NEK5: variants seen among roughly 807,000 people sequenced by gnomAD.
The protein encoded by NEK5 is NIMA related kinase 5, also known as serine/threonine-protein kinase Nek5.
A neutral mutation model predicts 109.2 loss-of-function variants in NEK5; 88 were observed. The ratio of observed to expected loss-of-function variants is 0.81; its 90% CI spans 0.68 to 0.96. NEK5 has a LOEUF of 0.96. Ranked by LOEUF, NEK5 falls within the 40% of genes least tolerant of loss-of-function variation. The probability of loss-of-function intolerance (pLI) is 0.00; values close to 1 mark genes in which losing one functional copy is unlikely to be tolerated. For synonymous variants in NEK5, 283 were observed against 299.9 expected (o/e 0.94, Z 0.58); for missense variants, 834 against 920.7 (o/e 0.91, Z 1.22).
At chr13:52,083,041 G>A (rs1465123044) in intron 17 of NEK5, among the ~76,000 whole-genome samples, 3 of 152,134 alleles carry the variant, frequency 2.0e-5, no homozygotes, top group African/African-American at 7.2e-5. Context: ...CAGCTACTCG[G>A]GAGCCTGAAG....
chr13:52,043,486 G>A (rs1171860239), intron 23 of NEK5, among the ~76,000 whole-genome samples: 8 of 141,086 alleles, frequency 5.7e-5, no homozygotes, highest in South Asian at 2.2e-4. Flanking sequence ...GCAGTGAGCC[G>A]AGATCACACC....
At chr13:52,093,022 TAAC>T in intron 13 of NEK5, 29 bp downstream of exon 13, 1 of 1,440,806 alleles carries the variant, frequency 6.9e-7, no homozygotes, top group Non-Finnish European at 9.5e-7. Flanking sequence ...ATTTTTAGAT[TAAC>T]CAAAGCTTAA....
intron 22 of NEK5, among the ~76,000 whole-genome samples, chr13:52,051,151 G>A (rs1954502884): frequency 6.7e-6 from 1 of 150,242 alleles, no homozygotes; most frequent in Non-Finnish European, 1.5e-5. Flanking sequence ...GGCCTTTTCT[G>A]CTTTTTCTTC....
chr13:52,046,593 T>C (rs1954461593), intron 23 of NEK5, among the ~76,000 whole-genome samples: 1 of 151,742 alleles, frequency 6.6e-6, no homozygotes, highest in South Asian at 2.1e-4. Context: ...TAGTCAGGCA[T>C]AGTGGCAAGT....
At chr13:52,064,182 G>A (rs1462730880) in intron 21 of NEK5, among the ~76,000 whole-genome samples, 22 of 137,392 alleles carry the variant, frequency 1.6e-4, no homozygotes, top group South Asian at 2.3e-4. Flanking sequence ...GAGGTGGGGG[G>A]GTCAGCCCCC....
chr13:52,045,331 C>T lies in NEK5; in HGVS notation c.2228+4773G>A, dbSNP rs547243038. Among the ~76,000 whole-genome samples, 987 of 149,800 alleles carry T rather than the reference C, an allele frequency of 6.6e-3. 3 individuals are homozygous for T. Among genetic ancestry groups the T allele is most frequent in the South Asian group, 0.025 (117 of 4,696 alleles). On this transcript the variant is annotated intron_variant, in intron 23 of 23. Transcript: ENST00000684899. ...ATTTTTAGTAGAGATGGGGTTTCAC[C>T]GTGTTAGCCAGGATGGTCTCGATCT...
intron 19 of NEK5, 26 bp downstream of exon 19, chr13:52,075,732 A>C: frequency 7.3e-7 from 1 of 1,376,858 alleles, no homozygotes; most frequent in African/African-American, 1.4e-5. Flanking sequence ...ATACCTACTA[A>C]TGGAAATTTA....
intron 22 of NEK5, among the ~76,000 whole-genome samples, chr13:52,054,705 G>A (rs1020587573): frequency 1.3e-5 from 2 of 152,164 alleles, no homozygotes; most frequent in African/African-American, 4.8e-5. Flanking sequence ...ACCTCACACG[G>A]CCGGGTACTC....
chr13:52,061,058 C>T (rs919057997), intron 22 of NEK5, among the ~76,000 whole-genome samples: 9 of 152,170 alleles, frequency 5.9e-5, no homozygotes, highest in Non-Finnish European at 8.8e-5. Flanking sequence ...GTTGGCTTCC[C>T]TTAAAGCAGT....
intron 8 of NEK5, among the ~76,000 whole-genome samples, chr13:52,107,900 G>C (rs903556448): frequency 1.3e-5 from 2 of 152,076 alleles, no homozygotes; most frequent in African/African-American, 4.8e-5. Context: ...GCTTACTGAG[G>C]CTCCAGAAGA....
Position 52,102,110 on chromosome 13 carries a change from G to A in NEK5, c.792C>T (p.Pro264=), listed in dbSNP as rs1199656089. 1.2e-6 allele frequency: 2 copies of A among 1,613,686 alleles called. No homozygotes were observed. Among genetic ancestry groups the A allele is most frequent in the African/African-American group, 1.3e-5 (1 of 74,878 alleles). The change falls in exon 10 of 24, where the codon CCC becomes CCT. Residue 264 remains proline (P), a synonymous_variant. Transcript: ENST00000684899. Reference sequence around the variant, plus strand: ...AACTTACCTCAGGAGTCAAATATTTGGGAATAAGATTCTCTAAAAAGGGCC... The same window carrying A: ...AACTTACCTCAGGAGTCAAATATTTAGGAATAAGATTCTCTAAAAAGGGCC... ...LKRPFLENLI[P]KYLTPEVIQE... is the part of the protein sequence containing the mutation.
At chr13:52,076,471 A>G (rs936906430) in intron 17 of NEK5, among the ~76,000 whole-genome samples, 2 of 152,232 alleles carry the variant, frequency 1.3e-5, no homozygotes, top group African/African-American at 4.8e-5. Flanking sequence ...AAATAAGCAA[A>G]GTGCGCAACT....
chr13:52,040,901 A>G (rs1325774955), intron 23 of NEK5, among the ~76,000 whole-genome samples: 2 of 152,232 alleles, frequency 1.3e-5, no homozygotes, highest in Non-Finnish European at 2.9e-5. Context: ...ATCTATGGTT[A>G]TAAATGTCTT....
At position 52,071,946 on chromosome 13, in the gene NEK5, G is replaced by A; in HGVS notation, c.1847C>T (p.Ala616Val). Residue 616 changes from alanine (A) to valine (V), a missense_variant and splice_region_variant, in exon 20 of 24, where the codon GCA (alanine) becomes GTA (valine). Physicochemically the swap from Ala to Val is moderately conservative, Grantham distance 64. Around this residue, in one of 2 missense-constraint regions of NEK5, gnomAD observed 777 missense variants for 824.7 expected, o/e 0.94. Coordinates refer to ENST00000684899, the MANE Select transcript of NEK5 (RefSeq NM_001365552.1). ...TACAACTTTCAAGAAACACATACCT[G>A]CTTCTGGGCAGTGAAGTTTTTCAAA... ...KAFEKLHCPE[A>V]GFSTQTVAAV... 2 of 1,613,080 alleles carry A rather than the reference G, an allele frequency of 1.2e-6. No individual in the cohort carries two copies. The highest frequency in any genetic ancestry group is 1.7e-6 in the Non-Finnish European group (2 of 1,179,320).
chr13:52,124,470 T>C lies in NEK5; in HGVS notation c.117+2896A>G, dbSNP rs929429899. ...CATTGCAAACATTGAAATTTTCCCA[T>C]GTCAATGCTTCACCTACAACATGAT... On this transcript the variant is annotated intron_variant, in intron 3 of 23. Transcript: ENST00000684899. 4.6e-5 allele frequency among the ~76,000 whole-genome samples: 7 copies of C among 152,248 alleles called. No individual in the cohort carries two copies. The East Asian group carries it at 7.7e-4, about 17-fold the overall frequency.
intron 23 of NEK5, among the ~76,000 whole-genome samples, chr13:52,045,500 G>A (rs1403636367): frequency 1.4e-5 from 2 of 147,318 alleles, no homozygotes; most frequent in Non-Finnish European, 3.0e-5. Flanking sequence ...GCACGGTGGC[G>A]CACGCCTGTA....
intron 8 of NEK5, among the ~76,000 whole-genome samples, chr13:52,106,742 G>A (rs897700421): frequency 3.3e-5 from 5 of 151,754 alleles, no homozygotes; most frequent in African/African-American, 1.2e-4. Flanking sequence ...ACTCCAGCCT[G>A]GATGACAGAG....
intron 23 of NEK5, among the ~76,000 whole-genome samples, chr13:52,037,789 A>G (rs990483984): frequency 3.3e-5 from 5 of 152,198 alleles, no homozygotes; most frequent in Non-Finnish European, 5.9e-5. Context: ...CGGGCGTGGT[A>G]CCGGGCGCCT....
At chr13:52,065,345 A>G (rs950702407) in intron 21 of NEK5, 139 bp downstream of exon 21, 7 of 1,230,264 alleles carry the variant, frequency 5.7e-6, no homozygotes, top group Non-Finnish European at 8.4e-6. Flanking sequence ...GGAGATATCA[A>G]AACAACATAT....
Sources: gnomAD v4.1 joint callset for allele counts (sites outside exome capture counted in the v4.1 genomes callset) on GRCh38, gnomAD v4.1.1 for gene constraint, gnomAD v4.1.1 regional missense constraint, MANE v1.5 for transcripts, NCBI Gene and HGNC (gene_info 2026-07-23, HGNC 2026-07-21) for gene names.